RGS6: variants seen among roughly 807,000 people sequenced by gnomAD.
The protein encoded by RGS6 is regulator of G protein signaling 6.
A neutral mutation model predicts 78.5 loss-of-function variants in RGS6; 30 were observed. That is an observed-to-expected ratio of 0.38 (90% CI 0.29 to 0.52). The LOEUF is 0.52. RGS6 is among the 20% of genes least tolerant of loss of function. The probability of loss-of-function intolerance (pLI) is 0.85; values close to 1 mark genes in which losing one functional copy is unlikely to be tolerated. For missense variants in RGS6, 495 were observed against 609.7 expected, an observed-to-expected ratio of 0.81 and a Z score of 1.98; for synonymous variants, 206 against 206.0, an observed-to-expected ratio of 1.00 and a Z score of 0.00.
the RGS6 span, chr14:72,629,720 C>T: frequency 4.6e-6 from 7 of 1,535,936 alleles, no homozygotes; most frequent in African/African-American, 9.6e-5. Flanking sequence ...GGGTAAACTG[C>T]AGGCAGGTTG....
At chr14:72,236,122 G>A (rs897526795) in intron 2 of RGS6, among the ~76,000 whole-genome samples, 3 of 152,208 alleles carry the variant, frequency 2.0e-5, no homozygotes, top group Admixed American at 1.3e-4. Flanking sequence ...AAATGAAAGG[G>A]AAGGAGGGTG....
At chr14:72,178,750 G>C (rs532737212) in intron 2 of RGS6, among the ~76,000 whole-genome samples, 81 of 152,288 alleles carry the variant, frequency 5.3e-4, no homozygotes, top group Non-Finnish European at 8.7e-4. Flanking sequence ...CGTGGACTAT[G>C]ACAAAACAGA....
rs2094914249 is a variant in RGS6 at position 72,083,671 on chromosome 14, A to G, written c.84+118796A>G. ...AGGCTACTAAAAATTAACCAACCAC[A>G]TTGAATTTCATGTTTTTCTAATTCA... On this transcript the variant is annotated intron_variant, in intron 2 of 17. Transcript: ENST00000553525. Among the ~76,000 whole-genome samples the G allele has an allele frequency of 4.6e-5, 7 of 152,252 alleles. No homozygotes were observed. The South Asian group carries it at 1.0e-3, about 23-fold the overall frequency.
intron 3 of RGS6, among the ~76,000 whole-genome samples, chr14:72,406,428 C>A (rs1036854983): frequency 1.3e-5 from 2 of 152,048 alleles, no homozygotes; most frequent in East Asian, 1.9e-4. Flanking sequence ...ATCAAATAAG[C>A]AGTTTGTTGC....
chr14:72,135,634 A>G (rs774100200), intron 2 of RGS6, among the ~76,000 whole-genome samples: 21 of 151,922 alleles, frequency 1.4e-4, no homozygotes, highest in Admixed American at 1.3e-4. Flanking sequence ...TTTTCCTGCT[A>G]AACTTCTTTT....
intron 3 of RGS6, among the ~76,000 whole-genome samples, chr14:72,395,548 TATA>T (rs1362342526): frequency 6.6e-6 from 1 of 152,184 alleles, no homozygotes; most frequent in African/African-American, 2.4e-5. Context: ...TTTTTTTTAT[TATA>T]CTTTAAGTTT....
At chr14:72,230,900 G>C (rs983604834) in intron 2 of RGS6, among the ~76,000 whole-genome samples, 1 of 152,128 alleles carries the variant, frequency 6.6e-6, no homozygotes, top group Non-Finnish European at 1.5e-5. Flanking sequence ...ACTGGGTACC[G>C]TAGCCTTGCC....
At chr14:71,979,832 CATT>C (rs1160606322) in intron 2 of RGS6, among the ~76,000 whole-genome samples, 1 of 151,600 alleles carries the variant, frequency 6.6e-6, no homozygotes, top group African/African-American at 2.4e-5. Flanking sequence ...CTTTCTATCT[CATT>C]GATCTGTCTA....
chr14:71,977,952 G>A (rs1182588544), intron 2 of RGS6, among the ~76,000 whole-genome samples: 1 of 150,386 alleles, frequency 6.6e-6, no homozygotes, highest in Admixed American at 6.6e-5. Context: ...GCAGTGGTTT[G>A]TAGTTCTCCT....
chr14:72,234,401 G>A (rs1476209719), intron 2 of RGS6, among the ~76,000 whole-genome samples: 1 of 151,812 alleles, frequency 6.6e-6, no homozygotes, highest in Non-Finnish European at 1.5e-5. Flanking sequence ...GATGCCAGCT[G>A]CTTATTTTGT....
intron 3 of RGS6, among the ~76,000 whole-genome samples, chr14:72,426,964 A>G (rs902778965): frequency 1.3e-5 from 2 of 152,202 alleles, no homozygotes; most frequent in Non-Finnish European, 2.9e-5. Context: ...TTGTGCTTAG[A>G]ATCCAGCTGC....
At chr14:72,544,317 G>A (rs1483736695) in intron 17 of RGS6, among the ~76,000 whole-genome samples, 1 of 152,224 alleles carries the variant, frequency 6.6e-6, no homozygotes, top group East Asian at 1.9e-4. Flanking sequence ...GAGGGTGATA[G>A]CACTGAAGTT....
chr14:72,527,300 T>C (rs531249641), intron 15 of RGS6, among the ~76,000 whole-genome samples: 1 of 152,274 alleles, frequency 6.6e-6, no homozygotes, highest in African/African-American at 2.4e-5. Flanking sequence ...CATGGAGGGA[T>C]TTTGTCTCAG....
intron 7 of RGS6, among the ~76,000 whole-genome samples, chr14:72,467,312 G>A (rs1246675424): frequency 2.0e-5 from 3 of 152,146 alleles, no homozygotes; most frequent in Admixed American, 2.0e-4. Context: ...GGAAGGAGGG[G>A]CAACATTAAG....
chr14:72,339,450 G>T (rs929763715), intron 2 of RGS6, among the ~76,000 whole-genome samples: 1 of 152,178 alleles, frequency 6.6e-6, no homozygotes, highest in Non-Finnish European at 1.5e-5. Flanking sequence ...AAGAACTAAA[G>T]AACTAAAATG....
intron 6 of RGS6, among the ~76,000 whole-genome samples, chr14:72,464,887 G>T (rs1304631482): frequency 2.0e-5 from 3 of 152,232 alleles, no homozygotes; most frequent in Admixed American, 6.5e-5. Context: ...AGGGATGAAA[G>T]CTGAGCAGGA....
At chr14:72,380,174 A>G (rs1440804993) in intron 3 of RGS6, among the ~76,000 whole-genome samples, 1 of 152,114 alleles carries the variant, frequency 6.6e-6, no homozygotes, top group Non-Finnish European at 1.5e-5. Flanking sequence ...CCAACTCAAA[A>G]TGGATCAAAG....
At chr14:72,265,654 A>T (rs1337522649) in intron 2 of RGS6, among the ~76,000 whole-genome samples, 1 of 152,080 alleles carries the variant, frequency 6.6e-6, no homozygotes, top group Non-Finnish European at 1.5e-5. Context: ...ATTCACGGAG[A>T]GCCAAAGTGG....
chr14:72,229,782 C>A (rs188593385), intron 2 of RGS6, among the ~76,000 whole-genome samples: 2 of 152,218 alleles, frequency 1.3e-5, no homozygotes, highest in African/African-American at 4.8e-5. Flanking sequence ...AAGATTCTCT[C>A]TCCCTTGCAC....
Sources: gnomAD v4.1 joint callset for allele counts (sites outside exome capture counted in the v4.1 genomes callset) on GRCh38, gnomAD v4.1.1 for gene constraint, MANE v1.5 for transcripts, NCBI Gene and HGNC (gene_info 2026-07-23, HGNC 2026-07-21) for gene names.